DMXL2: variants seen among roughly 807,000 people sequenced by gnomAD.
DMXL2 encodes Dmx like 2.
In DMXL2, 103 loss-of-function variants were observed where a neutral mutation model predicts 331.1. The observed-to-expected ratio is 0.31, with a 90% CI of 0.27 to 0.37. The LOEUF (loss-of-function observed/expected upper bound fraction) is 0.37, where lower values mean the gene tolerates loss of function less well. Ranked by LOEUF, DMXL2 falls within the 10% of genes least tolerant of loss-of-function variation. The probability of loss-of-function intolerance (pLI) is 1.00; values close to 1 mark genes in which losing one functional copy is unlikely to be tolerated. For missense variants in DMXL2, 3,171 were observed against 3,642.9 expected (o/e 0.87, Z 3.33); for synonymous variants, 1,281 against 1,252.1 (o/e 1.02, Z -0.49).
In DMXL2 at chr15:51,476,688, T is replaced by C; in HGVS notation, c.6865A>G (p.Met2289Val). 2 of 1,608,718 alleles carry C rather than the reference T, an allele frequency of 1.2e-6. No homozygotes were observed. Among genetic ancestry groups the C allele is most frequent in the Non-Finnish European group, 1.7e-6 (2 of 1,178,410 alleles). Residue 2289 changes from methionine to valine, a missense_variant, in exon 27 of 44, where the codon ATG (methionine) becomes GTG (valine). Transcript: ENST00000560891. ...SQTEGNQFTG[M>V]AYQGLLLSDR... ...CTTAAAAGAAGTCCTTGATAAGCCA[T>C]TCCTGTAAACTGATTTCCTTCTGTT... is the stretch of plus-strand genomic sequence containing the variant.
chr15:51,573,184 G>A (rs1269489114), intron 2 of DMXL2, among the ~76,000 whole-genome samples: 1 of 152,192 alleles, frequency 6.6e-6, no homozygotes, highest in East Asian at 1.9e-4. Flanking sequence ...TCATTAAAAA[G>A]CCAGGAAACA....
At chr15:51,619,362 C>T (rs1312783556) in intron 1 of DMXL2, among the ~76,000 whole-genome samples, 1 of 152,172 alleles carries the variant, frequency 6.6e-6, no homozygotes, top group Admixed American at 6.5e-5. Context: ...ATATCTACAG[C>T]TACATTTACG....
chr15:51,562,606 C>T (rs1016852820), intron 6 of DMXL2, among the ~76,000 whole-genome samples: 2 of 151,932 alleles, frequency 1.3e-5, no homozygotes, highest in African/African-American at 2.4e-5. Context: ...TGGGATTATA[C>T]TGAGAAAAGA....
intron 13 of DMXL2, among the ~76,000 whole-genome samples, chr15:51,530,077 TAAA>T (rs961760567): frequency 5.3e-5 from 8 of 151,962 alleles, no homozygotes; most frequent in African/African-American, 1.9e-4. Context: ...ATGAAAACTC[TAAA>T]AAAAGTGGGT....
intron 13 of DMXL2, among the ~76,000 whole-genome samples, chr15:51,525,631 T>A (rs1170313399): frequency 6.6e-6 from 1 of 152,068 alleles, no homozygotes; most frequent in Non-Finnish European, 1.5e-5. Flanking sequence ...CTCCTGATCC[T>A]TAAGAAAACA....
intron 1 of DMXL2, among the ~76,000 whole-genome samples, chr15:51,591,248 T>C (rs2052299292): frequency 1.3e-5 from 2 of 152,202 alleles, no homozygotes; most frequent in Non-Finnish European, 1.5e-5. Flanking sequence ...ACTGTGCTTT[T>C]GCAATGGTCT....
intron 20 of DMXL2, among the ~76,000 whole-genome samples, chr15:51,490,458 C>T (rs1314381564): frequency 6.6e-6 from 1 of 152,128 alleles, no homozygotes; most frequent in Non-Finnish European, 1.5e-5. Flanking sequence ...AAATATAGTA[C>T]CACTGATTGT....
chr15:51,458,408 T>C (rs1010646476), intron 36 of DMXL2, 98 bp downstream of exon 36: 38 of 1,308,258 alleles, frequency 2.9e-5, no homozygotes, highest in Non-Finnish European at 3.9e-5. Context: ...ATGAAGGAGA[T>C]ACACGTATAC....
chr15:51,501,207 C>T (rs573141491), intron 17 of DMXL2, among the ~76,000 whole-genome samples: 17 of 152,244 alleles, frequency 1.1e-4, no homozygotes, highest in Non-Finnish European at 2.1e-4. Flanking sequence ...GAATGCAAAC[C>T]TGTCTTACGG....
intron 20 of DMXL2, among the ~76,000 whole-genome samples, chr15:51,490,482 C>A (rs751072212): frequency 1.3e-4 from 20 of 152,162 alleles, no homozygotes; most frequent in Non-Finnish European, 2.6e-4. Flanking sequence ...CCAGGGAATT[C>A]CAAAGGACTA....
intron 1 of DMXL2, among the ~76,000 whole-genome samples, chr15:51,588,207 G>C (rs1303438370): frequency 6.6e-6 from 1 of 151,144 alleles, no homozygotes; most frequent in Non-Finnish European, 1.5e-5. Context: ...CCCTAGGCTG[G>C]AGTGCAGTGG....
chr15:51,499,537 T>A lies in DMXL2; in HGVS notation c.3687A>T (p.Arg1229Ser), dbSNP rs780221655. The change falls in exon 18 of 44, where the codon AGA becomes AGT. Residue 1229 changes from arginine to serine, a missense_variant. Arg to Ser is a moderately radical substitution (Grantham distance 110). Around this residue, in one of 7 missense-constraint regions of DMXL2, gnomAD observed 1,674 missense variants for 1,780.2 expected, o/e 0.94. Coordinates refer to ENST00000560891, the MANE Select transcript of DMXL2 (RefSeq NM_001378457.1). The stretch of plus-strand genomic sequence containing the variant: ...AGTCTATAGATCTAAGAAGAACCCA[T>A]CTTGACTTAACTCCTTGCTTGATAC... ...GGSIKQGVKS[R>S]WVLLRSIDLV... 2 of 1,613,964 alleles carry A rather than the reference T, an allele frequency of 1.2e-6. No homozygotes were observed. The highest frequency in any genetic ancestry group is 2.7e-5 in the African/African-American group (2 of 74,910).
At chr15:51,458,671 A>C in intron 35 of DMXL2, 38 bp downstream of exon 35, 3 of 1,613,758 alleles carry the variant, frequency 1.9e-6, no homozygotes, top group African/African-American at 1.3e-5. Context: ...AATTTCACTA[A>C]GGAGAAATAC....
At chr15:51,592,930 G>C (rs2052500989) in intron 1 of DMXL2, among the ~76,000 whole-genome samples, 1 of 152,130 alleles carries the variant, frequency 6.6e-6, no homozygotes, top group Non-Finnish European at 1.5e-5. Flanking sequence ...AACATGGAAA[G>C]GAACAACCAG....
At position 51,521,461 on chromosome 15, in the gene DMXL2, AGTGGTAGTG is replaced by A. The variant is rs55656500; in HGVS notation, c.2437-4303_2437-4295del. Reference sequence around the variant, plus strand: ...TAGTAGTAGTAGTAGTAGTAGTAGTAGTGGTAGTGGTAGTAGTAGTAGTAGTAGCAGCAT... The same window carrying A: ...TAGTAGTAGTAGTAGTAGTAGTAGTAGTAGTAGTAGTAGTAGTAGCAGCAT... On this transcript the variant is annotated intron_variant, in intron 13 of 43. Coordinates refer to ENST00000560891, the MANE Select transcript of DMXL2 (RefSeq NM_001378457.1). 4.4e-4 allele frequency among the ~76,000 whole-genome samples: 49 copies of A among 111,712 alleles called. 1 individual carries two copies. Among genetic ancestry groups the A allele is most frequent in the African/African-American group, 6.2e-4 (20 of 32,104 alleles). The allele number at this position is 111,712 out of a possible 152,430, so 73.3% of individuals were successfully genotyped here.
In DMXL2 at chr15:51,448,821, T is replaced by C; in HGVS notation, c.*163A>G. On this transcript the variant is annotated 3_prime_UTR_variant, in exon 44 of 44. Transcript: ENST00000560891. ...GTCAGCATAATAAGGTACATGCGCA[T>C]TCATTCCACCAACCTGTTTAGATAA... The C allele has an allele frequency of 1.4e-6, 1 of 690,826 alleles. No individual in the cohort carries two copies. Among genetic ancestry groups the C allele is most frequent in the Non-Finnish European group, 2.4e-6 (1 of 415,536 alleles). 42.8% of individuals were successfully genotyped at this position (690,826 alleles called of 1,614,324 possible).
chr15:51,490,075 T>C (rs1331519379), intron 20 of DMXL2, among the ~76,000 whole-genome samples: 1 of 152,238 alleles, frequency 6.6e-6, no homozygotes, highest in Non-Finnish European at 1.5e-5. Flanking sequence ...CCTTTAACAA[T>C]TAACTTTTCC....
At chr15:51,507,732 G>A (rs2046493986) in intron 15 of DMXL2, among the ~76,000 whole-genome samples, 1 of 151,546 alleles carries the variant, frequency 6.6e-6, no homozygotes, top group Non-Finnish European at 1.5e-5. Context: ...GGGCACTTAC[G>A]CCTTATTTAG....
Position 51,622,540 on chromosome 15 carries a change from A to G in DMXL2, c.6T>C (p.His2=). The change falls in exon 1 of 44, where the codon CAT becomes CAC. Residue 2 remains histidine, a synonymous_variant. Transcript: ENST00000560891. ...CAGCTCCGGTGAGGACCTGATGCAG[A>G]TGCATCTCCGGAGCCCGGGCTGGAC... M[H]LHQVLTGAVN... The G allele has an allele frequency of 6.4e-7, 1 of 1,555,606 alleles. No individual in the cohort carries two copies. The highest frequency in any genetic ancestry group is 1.2e-5 in the South Asian group (1 of 84,496).
Sources: allele counts gnomAD v4.1 joint callset (sites outside exome capture counted in the v4.1 genomes callset), GRCh38; gene constraint gnomAD v4.1.1; regional missense constraint gnomAD v4.1.1; transcripts MANE v1.5; gene names NCBI Gene and HGNC (gene_info 2026-07-23, HGNC 2026-07-21).